The following PWWP3A variants were observed in gnomAD, a reference collection of about 807,000 sequenced individuals.
The protein encoded by PWWP3A is PWWP domain containing 3A, DNA repair factor, also known as PWWP domain-containing DNA repair factor 3A.
In PWWP3A, 53 loss-of-function variants were observed where a neutral mutation model predicts 79.0. That is an observed-to-expected ratio of 0.67 (90% confidence interval 0.54 to 0.84). PWWP3A has a LOEUF of 0.84. Among genes scored for constraint, PWWP3A ranks in the 40% least tolerant of loss-of-function variants. The pLI is 0.00. For synonymous variants in PWWP3A, 443 were observed against 394.4 expected (o/e 1.12, Z -1.46); for missense variants, 973 against 948.0 (o/e 1.03, Z -0.35).
In PWWP3A at chr19:1,368,086, G is replaced by A. The variant is rs1489050256; in HGVS notation, c.1422+866G>A. Among the ~76,000 whole-genome samples the A allele has an allele frequency of 6.6e-6, 1 of 152,026 alleles. No individual in the cohort carries two copies. The highest frequency in any genetic ancestry group is 1.5e-5 in the Non-Finnish European group (1 of 68,008). ...ACTACAGGCAGGCACCAGCACACCC[G>A]GCTAATTTTTGTATTTTTAGTAGAG... is the stretch of plus-strand genomic sequence containing the variant. On this transcript the variant is annotated intron_variant, in intron 9 of 13. Coordinates refer to ENST00000591337, the MANE Select transcript of PWWP3A (RefSeq NM_001369789.1). The surrounding 1 kb of genome is among the most constrained non-coding windows in gnomAD (Gnocchi z 4.7).
In PWWP3A at chr19:1,376,702, G is replaced by A; in HGVS notation, c.*126G>A. Reference sequence around the variant, plus strand: ...TTTGGACCTGTCTGTGCGTTCTCCTGCGTGGCAGTCCTGATTTCCATGCTT... The same window carrying A: ...TTTGGACCTGTCTGTGCGTTCTCCTACGTGGCAGTCCTGATTTCCATGCTT... On this transcript the variant is annotated 3_prime_UTR_variant, in exon 14 of 14. Transcript: ENST00000591337. 1.3e-6 allele frequency: 1 copy of A among 764,388 alleles called. No individual in the cohort carries two copies. The highest frequency in any genetic ancestry group is 2.7e-5 in the East Asian group (1 of 36,562). The allele number at this position is 764,388 out of a possible 1,614,324, so 47.4% of individuals were successfully genotyped here.
intron 13 of PWWP3A, among the ~76,000 whole-genome samples, chr19:1,375,645 TATA>T (rs1254194727): frequency 1.0e-4 from 1 of 9,616 alleles, no homozygotes; most frequent in African/African-American, 4.3e-4. Flanking sequence ...TTATATAATA[TATA>T]ATTGTATATA....
rs1600114358 is a variant in PWWP3A at position 1,367,152 on chromosome 19, G to T, written c.1362-8G>T. ...TTCATGTTAACTTTTCCCTCTCTCT[G>T]CTTCAAGTTTCACAGTGTCTCTTAA... On this transcript the variant is annotated splice_polypyrimidine_tract_variant and splice_region_variant and intron_variant, in intron 8 of 13. Coordinates refer to ENST00000591337, the MANE Select transcript of PWWP3A (RefSeq NM_001369789.1). The T allele has an allele frequency of 1.9e-6, 3 of 1,609,946 alleles. No homozygotes were observed. Among genetic ancestry groups the T allele is most frequent in the Non-Finnish European group, 2.5e-6 (3 of 1,177,660 alleles).
chr19:1,355,708 C>T (rs564234058), intron 1 of PWWP3A, among the ~76,000 whole-genome samples: 18 of 151,868 alleles, frequency 1.2e-4, no homozygotes, highest in Non-Finnish European at 2.1e-4. Context: ...CCCTCTCTTG[C>T]TGGAAACGCC....
chr19:1,358,865 T>G, intron 4 of PWWP3A: 2 of 427,276 alleles, frequency 4.7e-6, no homozygotes, highest in South Asian at 1.7e-5. Flanking sequence ...AGCCCAAGGT[T>G]TGAGAAGCAG....
chr19:1,364,512 C>G lies in PWWP3A; in HGVS notation c.1217C>G (p.Pro406Arg). ...TTTCTTTTTTCTTTAATTCTAGAAC[C>G]ACGTTCGTTTGAAGTAGGAATGCTA... ...EPPRVLLYHE[P>R]RSFEVGMLVW... The change falls in exon 7 of 14, where the codon CCA becomes CGA. Residue 406 changes from proline to arginine, a missense_variant. Coordinates refer to ENST00000591337, the MANE Select transcript of PWWP3A (RefSeq NM_001369789.1). The G allele has an allele frequency of 6.3e-7, 1 of 1,597,216 alleles. No homozygotes were observed. The highest frequency in any genetic ancestry group is 8.5e-7 in the Non-Finnish European group (1 of 1,174,790).
intron 6 of PWWP3A, among the ~76,000 whole-genome samples, chr19:1,363,541 C>T (rs1050054996): frequency 2.0e-5 from 3 of 152,222 alleles, no homozygotes; most frequent in African/African-American, 7.2e-5. Flanking sequence ...CGCTGCCCCA[C>T]TGGGGTTGGG....
At chr19:1,356,861 CTG>C (rs1361734932) in intron 2 of PWWP3A, 146 bp from the exon 3 acceptor site, 2 of 650,366 alleles carry the variant, frequency 3.1e-6, no homozygotes, top group Admixed American at 3.2e-5. Flanking sequence ...GTTTCCCCAT[CTG>C]TGAAACAATG....
intron 7 of PWWP3A, among the ~76,000 whole-genome samples, chr19:1,364,787 A>C (rs1423884900): frequency 6.6e-6 from 1 of 152,198 alleles, no homozygotes; most frequent in Non-Finnish European, 1.5e-5. Context: ...TTGATAGGCC[A>C]CATTTTCACC....
intron 13 of PWWP3A, among the ~76,000 whole-genome samples, chr19:1,376,291 G>GTTTTTTTTTTTTTTTT (rs1350699607): frequency 6.7e-4 from 34 of 50,854 alleles, no homozygotes; most frequent in Non-Finnish European, 6.9e-4. Flanking sequence ...ACGCCCGGCT[G>GTTTTTTTTTTTTTTTT]TTTGTTTTTT....
At position 1,369,166 on chromosome 19, in the gene PWWP3A, C is replaced by T; in HGVS notation, c.1423-99C>T. 1.8e-6 allele frequency: 2 copies of T among 1,106,334 alleles called. No homozygotes were observed. The highest frequency in any genetic ancestry group is 2.5e-5 in the East Asian group (1 of 39,916). The allele number at this position is 1,106,334 out of a possible 1,614,324, so 68.5% of individuals were successfully genotyped here. A position where few individuals can be genotyped will look rare whatever the true frequency, so the allele number is the denominator to read the frequency against. Reference sequence around the variant, plus strand: ...GAGGTGCGGGCTGGAGCGTGAGCAGCCTGGACACCTGGCTGGTCCCTGGGC... The same window carrying T: ...GAGGTGCGGGCTGGAGCGTGAGCAGTCTGGACACCTGGCTGGTCCCTGGGC... On this transcript the variant is annotated intron_variant, in intron 9 of 13. Transcript: ENST00000591337. The surrounding 1 kb of genome is among the most constrained non-coding windows in gnomAD (Gnocchi z 4.0).
chr19:1,362,671 C>T (rs1176733167), intron 6 of PWWP3A, among the ~76,000 whole-genome samples: 1 of 152,236 alleles, frequency 6.6e-6, no homozygotes, highest in East Asian at 1.9e-4. Flanking sequence ...GCCCAGTGAG[C>T]CGAGGGGCTG....
At chr19:1,370,321 G>A (rs2082223903) in intron 11 of PWWP3A, among the ~76,000 whole-genome samples, 2 of 152,238 alleles carry the variant, frequency 1.3e-5, no homozygotes, top group African/African-American at 4.8e-5. Flanking sequence ...CAGTAGTGGA[G>A]TTTTCCATGC....
Position 1,360,487 on chromosome 19 carries a change from C to G in PWWP3A, c.566C>G (p.Pro189Arg). Residue 189 changes from proline (P) to arginine (R), a missense_variant, in exon 5 of 14, where the codon CCG becomes CGG. Pro to Arg is a moderately radical substitution (Grantham distance 103). Coordinates refer to ENST00000591337, the MANE Select transcript of PWWP3A (RefSeq NM_001369789.1). The surrounding 1 kb of genome is among the most constrained non-coding windows in gnomAD (Gnocchi z 4.4). The part of the protein sequence containing the change: ...GLRKSENPRG[P>R]LVLPAGGGAQ... ...AGGAAAAGTGAAAACCCAAGAGGCC[C>G]GTTGGTCCTCCCAGCTGGAGGTGGT... 4 of 1,614,172 alleles carry G rather than the reference C, an allele frequency of 2.5e-6. No individual in the cohort carries two copies. Among genetic ancestry groups the G allele is most frequent in the Non-Finnish European group, 3.4e-6 (4 of 1,180,026 alleles).
rs1158079194 is a variant in PWWP3A, at chr19:1,376,303, TTTTGTTTG to T, written c.2076-212_2076-205del. 7.9e-4 allele frequency among the ~76,000 whole-genome samples: 77 copies of T among 96,876 alleles called. 3 individuals are homozygous for T. The South Asian group carries it at 0.013, about 17-fold the overall frequency. 63.6% of individuals were successfully genotyped at this position (96,876 alleles called of 152,430 possible). A position where few individuals can be genotyped will look rare whatever the true frequency, so the allele number is the denominator to read the frequency against. On this transcript the variant is annotated intron_variant, in intron 13 of 13. Coordinates refer to ENST00000591337, the MANE Select transcript of PWWP3A (RefSeq NM_001369789.1). The stretch of plus-strand genomic sequence containing the variant: ...ACCACGCCCGGCTGTTTGTTTTTTT[TTTTGTTTG>T]TTTTTTTTTTTTTTTGGTATTTTTT...
In PWWP3A at chr19:1,360,988, C is replaced by G; in HGVS notation, c.1067C>G (p.Ala356Gly). 1 of 1,445,910 alleles carries G rather than the reference C, an allele frequency of 6.9e-7. No individual in the cohort carries two copies. The highest frequency in any genetic ancestry group is 9.1e-7 in the Non-Finnish European group (1 of 1,098,178). 89.6% of individuals were successfully genotyped at this position (1,445,910 alleles called of 1,614,324 possible). The change falls in exon 5 of 14, where the codon GCA becomes GGA. Residue 356 changes from alanine (A) to glycine (G), a missense_variant. Transcript: ENST00000591337. The surrounding 1 kb of genome is among the most constrained non-coding windows in gnomAD (Gnocchi z 4.4). ...GPPPSHASAD[A>G]TRCLPCPDSQ... Reference sequence around the variant, plus strand: ...CCTCCCTCCCACGCCTCTGCGGATGCAACCAGATGTCTTCCTTGCCCGGAT... The same window carrying G: ...CCTCCCTCCCACGCCTCTGCGGATGGAACCAGATGTCTTCCTTGCCCGGAT...
chr19:1,375,382 A>C (rs940456471), intron 13 of PWWP3A, among the ~76,000 whole-genome samples: 1 of 143,786 alleles, frequency 7.0e-6, no homozygotes, highest in African/African-American at 2.6e-5. Flanking sequence ...TCCCCATCAA[A>C]CAACTGCCCT....
intron 9 of PWWP3A, among the ~76,000 whole-genome samples, chr19:1,367,982 C>T (rs2082165013): frequency 6.6e-6 from 1 of 152,194 alleles, no homozygotes; most frequent in East Asian, 1.9e-4. Context: ...TGGAGTGCAG[C>T]GGTGCGATCT....
chr19:1,376,381 C>T (rs1273488302), intron 13 of PWWP3A, 138 bp from the exon 14 acceptor site: 5 of 522,954 alleles, frequency 9.6e-6, no homozygotes, highest in Admixed American at 5.4e-5. Context: ...GTCCTGATCT[C>T]CTGACCTTGT....
Sources: gnomAD v4.1 joint callset for allele counts (sites outside exome capture counted in the v4.1 genomes callset) on GRCh38, gnomAD v4.1.1 for gene constraint, Gnocchi (gnomAD v3.1) non-coding constraint, MANE v1.5 for transcripts, NCBI Gene and HGNC (gene_info 2026-07-23, HGNC 2026-07-21) for gene names.